TVP23C: variants seen among roughly 807,000 people sequenced by gnomAD.
The protein encoded by TVP23C is trans-golgi network vesicle protein 23 homolog C, also known as Golgi apparatus membrane protein TVP23 homolog C.
TVP23C carries 19 observed loss-of-function variants against 28.7 expected under a neutral mutation model. That is an observed-to-expected ratio of 0.66 (90% CI 0.46 to 0.97). The LOEUF is 0.97. Among genes scored for constraint, TVP23C ranks in the 50% least tolerant of loss-of-function variants. The probability of loss-of-function intolerance (pLI) is 0.00; values close to 1 mark genes in which losing one functional copy is unlikely to be tolerated. For synonymous variants in TVP23C, 68 were observed against 81.7 expected (o/e 0.83, Z 0.90); for missense variants, 186 against 241.3 (o/e 0.77, Z 1.52).
At chr17:15,550,088 T>C (rs746985809) in intron 3 of TVP23C, among the ~76,000 whole-genome samples, 5 of 152,224 alleles carry the variant, frequency 3.3e-5, no homozygotes, top group African/African-American at 1.2e-4. Flanking sequence ...CTCACACTTA[T>C]TGCTTGTTTT....
At chr17:15,560,952 G>T (rs1331801658) in intron 1 of TVP23C, among the ~76,000 whole-genome samples, 1 of 151,486 alleles carries the variant, frequency 6.6e-6, no homozygotes, top group African/African-American at 2.4e-5. Context: ...GCAAGAAAGA[G>T]AATTACTAGA....
At chr17:15,549,047 ACT>A (rs1331611308) in intron 3 of TVP23C, among the ~76,000 whole-genome samples, 1 of 152,220 alleles carries the variant, frequency 6.6e-6, no homozygotes, top group Non-Finnish European at 1.5e-5. Context: ...TCAGAAATTT[ACT>A]TTTTTAATAT....
chr17:15,536,371 G>A (rs2532474), downstream of TVP23C, among the ~76,000 whole-genome samples: 10 of 152,122 alleles, frequency 6.6e-5, no homozygotes, highest in South Asian at 4.1e-4. Flanking sequence ...AGGGATGGGC[G>A]TGCCTCCTCC....
chr17:15,530,578 T>C (rs1483572899), intron 5 of TVP23C, among the ~76,000 whole-genome samples: 1 of 152,248 alleles, frequency 6.6e-6, no homozygotes, highest in Admixed American at 6.5e-5. Context: ...ATTTATACTA[T>C]ATTTCATATT....
intron 5 of TVP23C, chr17:15,503,418 C>A: frequency 1.4e-6 from 1 of 708,458 alleles, no homozygotes; most frequent in Non-Finnish European, 2.2e-6. Context: ...AAGAAAAGTC[C>A]TTGAGGCAAA....
chr17:15,544,860 T>C (rs1664688543), intron 5 of TVP23C, among the ~76,000 whole-genome samples: 1 of 151,864 alleles, frequency 6.6e-6, no homozygotes, highest in African/African-American at 2.4e-5. Context: ...TATCACAAAA[T>C]AGGACTAAGA....
At position 15,558,394 on chromosome 17, in the gene TVP23C, C is replaced by T. The variant is rs2150863003; in HGVS notation, c.13-3030G>A. On this transcript the variant is annotated intron_variant, in intron 1 of 5. Transcript: ENST00000518321. ...TCATTAACTGTGGTAGGCTGAATAC[C>T]TCCTCACCCCTCCCAAAAATGTTTA... Among the ~76,000 whole-genome samples, 3 of 143,774 alleles carry T rather than the reference C, an allele frequency of 2.1e-5. 1 individual carries two copies. The Middle Eastern group carries it at 0.011, about 513-fold the overall frequency. 94.3% of individuals were successfully genotyped at this position (143,774 alleles called of 152,430 possible). A position where few individuals can be genotyped will look rare whatever the true frequency, so the allele number is the denominator to read the frequency against.
At chr17:15,506,454 C>A (rs562187395) in intron 5 of TVP23C, among the ~76,000 whole-genome samples, 8 of 152,114 alleles carry the variant, frequency 5.3e-5, no homozygotes, top group African/African-American at 1.9e-4. Context: ...CACCAGTCAG[C>A]GCCCTGACAA....
intron 5 of TVP23C, among the ~76,000 whole-genome samples, chr17:15,527,572 C>A (rs1400721594): frequency 2.0e-5 from 3 of 152,186 alleles, no homozygotes; most frequent in Non-Finnish European, 4.4e-5. Context: ...TGGGACTATA[C>A]TGAACATTTT....
At chr17:15,502,730 CT>C (rs149635358) in exon 6 of TVP23C, 1 of 977,202 alleles carries the variant, frequency 1.0e-6, no homozygotes, top group Non-Finnish European at 1.3e-6. Context: ...CTCTCTCTCT[CT>C]TTCTCTCTCC....
At chr17:15,514,353 T>C (rs1982133892) in intron 5 of TVP23C, among the ~76,000 whole-genome samples, 1 of 152,196 alleles carries the variant, frequency 6.6e-6, no homozygotes, top group Admixed American at 6.5e-5. Flanking sequence ...AATCTTAGGA[T>C]TTCTGTTGTA....
chr17:15,545,034 C>A (rs1218386918), intron 5 of TVP23C, among the ~76,000 whole-genome samples: 2 of 152,086 alleles, frequency 1.3e-5, no homozygotes, highest in Non-Finnish European at 2.9e-5. Flanking sequence ...CAAATTGGGT[C>A]AAGTGACAAA....
chr17:15,537,991 T>C lies in TVP23C; in HGVS notation c.*2421A>G. 1 of 1,485,180 alleles carries C rather than the reference T, an allele frequency of 6.7e-7. No homozygotes were observed. The allele number at this position is 1,485,180 out of a possible 1,614,324, so 92.0% of individuals were successfully genotyped here. ...AACTTAATATGAAAACTACTTTTCC[T>C]TTTTATAAATAAAGTTTTTAAGTGG... is the stretch of plus-strand genomic sequence containing the variant. On this transcript the variant is annotated 3_prime_UTR_variant, in exon 6 of 6. Coordinates refer to ENST00000518321, the MANE Select transcript of TVP23C (RefSeq NM_001135036.2).
intron 5 of TVP23C, among the ~76,000 whole-genome samples, chr17:15,522,800 T>C (rs1982533820): frequency 6.6e-6 from 1 of 151,958 alleles, no homozygotes; most frequent in African/African-American, 2.4e-5. Flanking sequence ...CCCAGCACAA[T>C]GGGAGGCCAA....
intron 3 of TVP23C, among the ~76,000 whole-genome samples, chr17:15,549,631 G>C (rs1403129523): frequency 2.0e-5 from 3 of 151,114 alleles, no homozygotes; most frequent in Admixed American, 6.6e-5. Flanking sequence ...AGTGAGCCAA[G>C]ATCACACCAC....
chr17:15,503,187 A>G, exon 6 of TVP23C: 4 of 1,573,500 alleles, frequency 2.5e-6, no homozygotes, highest in Non-Finnish European at 3.5e-6. Context: ...GGATCTCTTG[A>G]GCCCAAGACT....
chr17:15,516,340 T>G (rs140114410), intron 5 of TVP23C: 1 of 152,228 alleles, frequency 6.6e-6, no homozygotes, highest in Non-Finnish European at 1.5e-5. Flanking sequence ...AAGAGATGGT[T>G]AGTACATTAG....
intron 5 of TVP23C, among the ~76,000 whole-genome samples, chr17:15,517,619 G>T (rs1982285892): frequency 6.6e-6 from 1 of 152,170 alleles, no homozygotes; most frequent in Admixed American, 6.5e-5. Context: ...ACCTATATGG[G>T]TGCTGGGAAT....
chr17:15,556,855 A>G (rs1179966688), intron 1 of TVP23C, among the ~76,000 whole-genome samples: 1 of 151,896 alleles, frequency 6.6e-6, no homozygotes, highest in Non-Finnish European at 1.5e-5. Context: ...CTACTGCTCA[A>G]ATTTTTCAAT....
Sources: allele counts gnomAD v4.1 joint callset (sites outside exome capture counted in the v4.1 genomes callset), GRCh38; gene constraint gnomAD v4.1.1; transcripts MANE v1.5; gene names NCBI Gene and HGNC (gene_info 2026-07-23, HGNC 2026-07-21).